DSCAM: variants seen among roughly 807,000 people sequenced by gnomAD.
DSCAM encodes the protein cell adhesion molecule DSCAM.
In DSCAM, 47 loss-of-function variants were observed where a neutral mutation model predicts 217.7. The observed-to-expected ratio is 0.22, with a 90% CI of 0.17 to 0.28. The LOEUF (loss-of-function observed/expected upper bound fraction) is 0.28. Ranked by LOEUF, DSCAM falls within the 10% of genes least tolerant of loss-of-function variation. The pLI is 1.00. For synonymous variants in DSCAM, 1,056 were observed against 1,015.3 expected (o/e 1.04, Z -0.76); for missense variants, 2,080 against 2,618.3 (o/e 0.79, Z 4.49).
chr21:40,504,940 A>G (rs562298643), intron 3 of DSCAM, among the ~76,000 whole-genome samples: 1 of 152,320 alleles, frequency 6.6e-6, no homozygotes, highest in Non-Finnish European at 1.5e-5. Flanking sequence ...ACCAGCTCTC[A>G]TGTCTGCCTC....
intron 6 of DSCAM, among the ~76,000 whole-genome samples, chr21:40,342,641 T>TAG (rs1569074439): frequency 1.9e-5 from 2 of 103,852 alleles, no homozygotes; most frequent in Non-Finnish European, 4.0e-5. Flanking sequence ...TATATATATA[T>TAG]ATATATATTT....
intron 4 of DSCAM, among the ~76,000 whole-genome samples, chr21:40,360,057 G>C (rs966910324): frequency 6.7e-6 from 1 of 149,652 alleles, no homozygotes; most frequent in African/African-American, 2.5e-5. Flanking sequence ...GGAATATTAC[G>C]TGATGCTGAG....
At chr21:40,387,022 G>T (rs935378858) in intron 3 of DSCAM, among the ~76,000 whole-genome samples, 3 of 151,866 alleles carry the variant, frequency 2.0e-5, no homozygotes, top group Admixed American at 2.0e-4. Flanking sequence ...GCAGTGAGTT[G>T]TAGCAACTTC....
intron 1 of DSCAM, among the ~76,000 whole-genome samples, chr21:40,736,216 A>G (rs1449717870): frequency 6.6e-6 from 1 of 151,966 alleles, no homozygotes; most frequent in Non-Finnish European, 1.5e-5. Context: ...TGGACGCATC[A>G]CCCTCTCTTC....
chr21:40,474,772 G>A (rs904877857), intron 3 of DSCAM, among the ~76,000 whole-genome samples: 5 of 152,202 alleles, frequency 3.3e-5, no homozygotes, highest in East Asian at 1.9e-4. Flanking sequence ...AGGCGAGTGC[G>A]TGCGTTCTGC....
intron 3 of DSCAM, among the ~76,000 whole-genome samples, chr21:40,679,366 C>A (rs1338007931): frequency 6.6e-6 from 1 of 152,154 alleles, no homozygotes; most frequent in Non-Finnish European, 1.5e-5. Flanking sequence ...ATATGGGAAA[C>A]TGAAAGAAAG....
intron 3 of DSCAM, among the ~76,000 whole-genome samples, chr21:40,587,594 ATC>A (rs1203360483): frequency 6.6e-6 from 1 of 152,212 alleles, no homozygotes; most frequent in African/African-American, 2.4e-5. Flanking sequence ...TCTACTTAGC[ATC>A]TCTGTCATTG....
intron 11 of DSCAM, among the ~76,000 whole-genome samples, chr21:40,261,650 T>A (rs2073452069): frequency 8.9e-6 from 1 of 112,646 alleles, no homozygotes; most frequent in Non-Finnish European, 2.0e-5. Context: ...TCTCTCTCTC[T>A]CTACACACAC....
intron 3 of DSCAM, among the ~76,000 whole-genome samples, chr21:40,549,418 G>T (rs927344641): frequency 6.6e-6 from 1 of 152,098 alleles, no homozygotes; most frequent in Non-Finnish European, 1.5e-5. Context: ...TGCATCCAGG[G>T]CTGTGAGGGT....
chr21:40,111,092 C>A (rs1378090083), intron 20 of DSCAM, among the ~76,000 whole-genome samples: 1 of 152,042 alleles, frequency 6.6e-6, no homozygotes, highest in Non-Finnish European at 1.5e-5. Context: ...TTGAGAAGAG[C>A]AACTCCAAGA....
intron 3 of DSCAM, among the ~76,000 whole-genome samples, chr21:40,652,347 CAAAA>C (rs56384103): frequency 6.8e-4 from 97 of 142,680 alleles, no homozygotes; most frequent in African/African-American, 1.8e-3. Context: ...ACAACAACAA[CAAAA>C]AAAAAAAAAA....
chr21:40,673,108 C>T (rs2090296506), intron 3 of DSCAM, among the ~76,000 whole-genome samples: 1 of 152,186 alleles, frequency 6.6e-6, no homozygotes. Context: ...CACCTCCCAT[C>T]CTGACTCCCT....
chr21:40,628,300 T>A (rs1430585945), intron 3 of DSCAM, among the ~76,000 whole-genome samples: 2 of 152,126 alleles, frequency 1.3e-5, no homozygotes, highest in Non-Finnish European at 2.9e-5. Flanking sequence ...GCTCCCCCAC[T>A]TACCAGATGA....
chr21:40,670,116 T>G (rs888729991), intron 3 of DSCAM, among the ~76,000 whole-genome samples: 1 of 152,230 alleles, frequency 6.6e-6, no homozygotes, highest in Non-Finnish European at 1.5e-5. Context: ...AAATCAATTT[T>G]CCCATGCAGC....
chr21:40,116,525 A>G (rs573279380), intron 20 of DSCAM, among the ~76,000 whole-genome samples: 4 of 152,240 alleles, frequency 2.6e-5, no homozygotes, highest in Admixed American at 2.0e-4. Flanking sequence ...CTGGGGCTAC[A>G]GTAATCCTTG....
At chr21:40,029,678 C>CTA (rs1568898630) in intron 32 of DSCAM, among the ~76,000 whole-genome samples, 1 of 152,122 alleles carries the variant, frequency 6.6e-6, no homozygotes, top group Non-Finnish European at 1.5e-5. Context: ...GGCTGGCCAC[C>CTA]GTATTCTCAG....
intron 8 of DSCAM, among the ~76,000 whole-genome samples, chr21:40,330,061 T>G (rs1407152910): frequency 6.6e-6 from 1 of 152,020 alleles, no homozygotes; most frequent in Non-Finnish European, 1.5e-5. Context: ...ACAACCTATA[T>G]GTTATTTGAT....
chr21:40,670,376 A>G (rs1568974651), intron 3 of DSCAM, among the ~76,000 whole-genome samples: 1 of 31,804 alleles, frequency 3.1e-5, no homozygotes, highest in African/African-American at 8.4e-5. Context: ...TCTCTACTAA[A>G]ACAAAAAAAA....
chr21:40,373,561 GA>G (rs1171274254), intron 3 of DSCAM, among the ~76,000 whole-genome samples: 1 of 152,154 alleles, frequency 6.6e-6, no homozygotes, highest in Non-Finnish European at 1.5e-5. Flanking sequence ...ACCCAGGGAG[GA>G]AAACTGGTAT....
Sources: gnomAD v4.1 joint callset for allele counts (sites outside exome capture counted in the v4.1 genomes callset) on GRCh38, gnomAD v4.1.1 for gene constraint, MANE v1.5 for transcripts, NCBI Gene and HGNC (gene_info 2026-07-23, HGNC 2026-07-21) for gene names.